Variants in SSH2 observed in about 807,000 individuals in gnomAD.
The protein encoded by SSH2 is slingshot protein phosphatase 2, also known as protein phosphatase Slingshot homolog 2.
A neutral mutation model predicts 135.2 loss-of-function variants in SSH2; 37 were observed. The observed-to-expected ratio is 0.27, with a 90% CI of 0.21 to 0.36. SSH2 has a LOEUF of 0.36. SSH2 is among the 10% of genes least tolerant of loss of function. The probability of loss-of-function intolerance (pLI) is 1.00; values close to 1 mark genes in which losing one functional copy is unlikely to be tolerated. For synonymous variants in SSH2, 628 were observed against 646.2 expected (o/e 0.97, Z 0.43); for missense variants, 1,408 against 1,765.3 (o/e 0.80, Z 3.63).
chr17:29,807,986 T>G (rs1456407422), intron 2 of SSH2, among the ~76,000 whole-genome samples: 1 of 152,152 alleles, frequency 6.6e-6, no homozygotes, highest in Non-Finnish European at 1.5e-5. Context: ...GTGGTTGAAC[T>G]GGAGAAAGCA....
intron 5 of SSH2, among the ~76,000 whole-genome samples, chr17:29,690,988 A>T (rs1451520401): frequency 2.0e-5 from 3 of 152,020 alleles, no homozygotes; most frequent in Admixed American, 6.6e-5. Flanking sequence ...ATACATATTT[A>T]AAAAAAGAGT....
chr17:29,902,281 A>T (rs1333797767), intron 1 of SSH2, among the ~76,000 whole-genome samples: 1 of 152,214 alleles, frequency 6.6e-6, no homozygotes, highest in Non-Finnish European at 1.5e-5. Context: ...ATAGATGCAT[A>T]AAAGCAGCTT....
intron 1 of SSH2, among the ~76,000 whole-genome samples, chr17:29,913,347 A>AAAAAAAAAAAAAAATTATATATGTAT: frequency 3.5e-5 from 1 of 28,778 alleles, no homozygotes; most frequent in Non-Finnish European, 5.9e-5. Flanking sequence ...AAAAAAAAAA[A>AAAAAAAAAAAAAAATTATATATGTAT]ATATATATAT....
intron 1 of SSH2, among the ~76,000 whole-genome samples, chr17:29,869,696 C>T (rs974716655): frequency 9.9e-5 from 15 of 152,102 alleles, no homozygotes; most frequent in Non-Finnish European, 1.5e-5. Context: ...CTGATTATTG[C>T]CAAAGAAAAG....
intron 6 of SSH2, among the ~76,000 whole-genome samples, chr17:29,678,093 ATTTTTT>A (rs56386467): frequency 1.5e-5 from 2 of 136,030 alleles, no homozygotes; most frequent in African/African-American, 5.5e-5. Flanking sequence ...GACTCCAAGG[ATTTTTT>A]TTTTTTTTTT....
intron 2 of SSH2, among the ~76,000 whole-genome samples, chr17:29,819,247 T>C (rs1185871994): frequency 6.6e-6 from 1 of 152,028 alleles, no homozygotes; most frequent in East Asian, 1.9e-4. Flanking sequence ...AACACAAATG[T>C]AGAAAAGCAT....
chr17:29,651,808 T>C (rs1326438254), intron 12 of SSH2, among the ~76,000 whole-genome samples: 7 of 152,112 alleles, frequency 4.6e-5, no homozygotes, highest in African/African-American at 1.7e-4. Context: ...TAACTTGGCA[T>C]CAAAGCCCAT....
At chr17:29,638,230 A>G (rs2035995907) in intron 14 of SSH2, among the ~76,000 whole-genome samples, 1 of 151,566 alleles carries the variant, frequency 6.6e-6, no homozygotes, top group South Asian at 2.1e-4. Context: ...ATACAACTAT[A>G]TGCTGTGGAG....
At chr17:29,723,912 T>C (rs2039901925) in intron 3 of SSH2, among the ~76,000 whole-genome samples, 1 of 152,188 alleles carries the variant, frequency 6.6e-6, no homozygotes, top group African/African-American at 2.4e-5. Flanking sequence ...AGAAGTTGGG[T>C]GTATTGTATG....
rs147427264 is a variant in SSH2 at position 29,805,706 on chromosome 17, C to T, written c.145-11769G>A. Among the ~76,000 whole-genome samples the T allele has an allele frequency of 2.0e-3, 305 of 152,172 alleles. 4 individuals carry two copies. Among genetic ancestry groups the T allele is most frequent in the African/African-American group, 6.8e-3 (284 of 41,504 alleles). ...TCGGAATCAGTACATTAAAAAAGCTCTGTAGATAACTGATAAGCAGTTAAG... is the reference window on the plus strand; with the variant it reads ...TCGGAATCAGTACATTAAAAAAGCTTTGTAGATAACTGATAAGCAGTTAAG... On this transcript the variant is annotated intron_variant, in intron 2 of 15. Coordinates refer to ENST00000540801, the MANE Select transcript of SSH2 (RefSeq NM_001282129.2).
intron 3 of SSH2, among the ~76,000 whole-genome samples, chr17:29,764,959 T>C (rs932663641): frequency 6.6e-6 from 1 of 152,200 alleles, no homozygotes. Context: ...GTAGTAAATA[T>C]GTTTTTGCTG....
chr17:29,882,017 T>A (rs928343537), intron 1 of SSH2, among the ~76,000 whole-genome samples: 2 of 152,214 alleles, frequency 1.3e-5, no homozygotes, highest in African/African-American at 4.8e-5. Context: ...GTACAGGAAG[T>A]CATTTGGTTA....
chr17:29,674,224 AT>A, intron 8 of SSH2: 1 of 451,870 alleles, frequency 2.2e-6, no homozygotes, highest in Admixed American at 2.4e-5. Context: ...GTGTCAGTCC[AT>A]TTTTATTAGG....
At chr17:29,833,338 T>C (rs1037652746) in intron 2 of SSH2, among the ~76,000 whole-genome samples, 4 of 152,356 alleles carry the variant, frequency 2.6e-5, no homozygotes, top group East Asian at 1.9e-4. Context: ...CATTATATAA[T>C]AGTCCTCTTT....
At chr17:29,867,846 A>G (rs1382925684) in intron 1 of SSH2, among the ~76,000 whole-genome samples, 1 of 152,218 alleles carries the variant, frequency 6.6e-6, no homozygotes, top group African/African-American at 2.4e-5. Context: ...TAGCTCTAGT[A>G]TTAGAAGAGG....
At chr17:29,876,665 T>C (rs1328446391) in intron 1 of SSH2, among the ~76,000 whole-genome samples, 1 of 151,972 alleles carries the variant, frequency 6.6e-6, no homozygotes, top group Non-Finnish European at 1.5e-5. Flanking sequence ...TGAATATCCA[T>C]ATGCAGAAGA....
intron 1 of SSH2, among the ~76,000 whole-genome samples, chr17:29,917,053 CCT>C (rs943567460): frequency 2.0e-5 from 3 of 151,666 alleles, no homozygotes; most frequent in Non-Finnish European, 2.9e-5. Context: ...CAGGTTTTTC[CCT>C]TTTTCTTTAA....
At chr17:29,847,209 T>C (rs990850559) in intron 2 of SSH2, among the ~76,000 whole-genome samples, 1 of 152,098 alleles carries the variant, frequency 6.6e-6, no homozygotes, top group African/African-American at 2.4e-5. Flanking sequence ...AAAAATATGC[T>C]TGAATAAAGT....
intron 2 of SSH2, among the ~76,000 whole-genome samples, chr17:29,837,560 C>G (rs1449428338): frequency 6.6e-6 from 1 of 152,014 alleles, no homozygotes; most frequent in Non-Finnish European, 1.5e-5. Context: ...GGCCCATGTC[C>G]CCGAGGCAGC....
Sources: allele counts gnomAD v4.1 joint callset (sites outside exome capture counted in the v4.1 genomes callset), GRCh38; gene constraint gnomAD v4.1.1; transcripts MANE v1.5; gene names NCBI Gene and HGNC (gene_info 2026-07-23, HGNC 2026-07-21).